Variants in CACNB4 observed in about 807,000 individuals in gnomAD.
CACNB4 encodes calcium voltage-gated channel auxiliary subunit beta 4.
In CACNB4, 32 loss-of-function variants were observed where a neutral mutation model predicts 71.2. That is an observed-to-expected ratio of 0.45 (90% CI 0.34 to 0.60). The LOEUF is 0.60. Ranked by LOEUF, CACNB4 falls within the 20% of genes least tolerant of loss-of-function variation. CACNB4 has a pLI of 0.01. For missense variants in CACNB4, 464 were observed against 647.9 expected (o/e 0.72, Z 3.08); for synonymous variants, 231 against 236.9 (o/e 0.97, Z 0.23).
Position 152,098,243 on chromosome 2 carries a change from G to C in CACNB4, c.147+87C>G, listed in dbSNP as rs1372855213. ...CGCGCGGGCTTGACCCGCAGCTCCC[G>C]CACGTGTGGGCCACGGCCGGCTCCA... On this transcript the variant is annotated intron_variant, in intron 2 of 13. Coordinates refer to ENST00000539935, the MANE Select transcript of CACNB4 (RefSeq NM_000726.5). This position sits in a 1 kb window ranked among gnomAD's most constrained non-coding sequence, Gnocchi z 5.3. 3 of 1,054,578 alleles carry C rather than the reference G, an allele frequency of 2.8e-6. No homozygotes were observed. Among genetic ancestry groups the C allele is most frequent in the Non-Finnish European group, 4.4e-6 (3 of 683,980 alleles). The allele number at this position is 1,054,578 out of a possible 1,614,324, so 65.3% of individuals were successfully genotyped here. A position where few individuals can be genotyped will look rare whatever the true frequency, so the allele number is the denominator to read the frequency against.
In CACNB4 at chr2:151,932,430, G is replaced by A. The variant is rs539213823; in HGVS notation, c.148-49060C>T. On this transcript the variant is annotated intron_variant, in intron 2 of 13. Coordinates refer to ENST00000539935, the MANE Select transcript of CACNB4 (RefSeq NM_000726.5). ...AGAGGGAAGGAGCTTCACCAGTGGA[G>A]CTCGAGGTTATAGACAATGCTAGAG... Among the ~76,000 whole-genome samples the A allele has an allele frequency of 3.3e-5, 5 of 152,258 alleles. No individual in the cohort carries two copies. In the East Asian group the frequency reaches 5.8e-4, roughly 18 times the overall value.
intron 2 of CACNB4, among the ~76,000 whole-genome samples, chr2:152,087,574 A>C (rs903715458): frequency 6.6e-6 from 1 of 152,176 alleles, no homozygotes; most frequent in Non-Finnish European, 1.5e-5. Flanking sequence ...TGACTTAAGG[A>C]AAGGCAAGTC....
chr2:152,090,331 C>T (rs543400416), intron 2 of CACNB4, among the ~76,000 whole-genome samples: 1 of 152,318 alleles, frequency 6.6e-6, no homozygotes, highest in South Asian at 2.1e-4. Flanking sequence ...CTTACATTTC[C>T]ACACAGCTTC....
At chr2:152,073,640 T>C (rs182740836) in intron 2 of CACNB4, among the ~76,000 whole-genome samples, 24 of 152,186 alleles carry the variant, frequency 1.6e-4, no homozygotes, top group Admixed American at 1.4e-3. Context: ...ATGAAAACAA[T>C]CTACAAAAAT....
intron 12 of CACNB4, among the ~76,000 whole-genome samples, chr2:151,842,320 CTTTTTTT>C (rs35662354): frequency 4.4e-5 from 3 of 67,726 alleles, no homozygotes; most frequent in African/African-American, 7.2e-5. Context: ...ATATTTGGAT[CTTTTTTT>C]TTTTTTTTTT....
intron 5 of CACNB4, among the ~76,000 whole-genome samples, chr2:151,875,827 C>T (rs2099846002): frequency 7.1e-6 from 1 of 140,394 alleles, no homozygotes; most frequent in African/African-American, 2.7e-5. Flanking sequence ...CCGGACGGGG[C>T]GTCTCGCCTG....
At chr2:152,097,095 C>A (rs1688314740) in intron 2 of CACNB4, among the ~76,000 whole-genome samples, 2 of 152,164 alleles carry the variant, frequency 1.3e-5, no homozygotes, top group African/African-American at 4.8e-5. Context: ...ATCCAAAATG[C>A]ATTTATTTCC....
At chr2:151,928,769 C>T (rs2099860899) in intron 2 of CACNB4, among the ~76,000 whole-genome samples, 1 of 151,898 alleles carries the variant, frequency 6.6e-6, no homozygotes, top group South Asian at 2.1e-4. Context: ...TAAAAAAATA[C>T]AAAAATTAGC....
chr2:151,845,636 A>T (rs1280891426), intron 12 of CACNB4, among the ~76,000 whole-genome samples: 1 of 152,248 alleles, frequency 6.6e-6, no homozygotes, highest in Non-Finnish European at 1.5e-5. Context: ...CTATGGATGC[A>T]GAGAGCTCCT....
At chr2:151,928,434 G>A (rs2099860793) in intron 2 of CACNB4, among the ~76,000 whole-genome samples, 1 of 152,100 alleles carries the variant, frequency 6.6e-6, no homozygotes, top group African/African-American at 2.4e-5. Context: ...GTGCCTCCTA[G>A]GACATCCCTT....
At chr2:151,899,149 T>C (rs2099852785) in intron 2 of CACNB4, among the ~76,000 whole-genome samples, 1 of 152,220 alleles carries the variant, frequency 6.6e-6, no homozygotes, top group Admixed American at 6.5e-5. Flanking sequence ...TTCTTCTAGC[T>C]GGTGTTGCAT....
chr2:151,880,970 A>G, intron 3 of CACNB4, 48 bp from the exon 4 acceptor site: 1 of 1,532,758 alleles, frequency 6.5e-7, no homozygotes, highest in Non-Finnish European at 8.8e-7. Context: ...AGGAGAGAGG[A>G]GCATTTTTCA....
chr2:152,066,675 C>A (rs1482949800), intron 2 of CACNB4, among the ~76,000 whole-genome samples: 5 of 150,332 alleles, frequency 3.3e-5, no homozygotes, highest in Non-Finnish European at 7.4e-5. Context: ...AATCATGCTG[C>A]TATAAAGACA....
At chr2:151,966,080 C>T (rs2099871029) in intron 2 of CACNB4, among the ~76,000 whole-genome samples, 1 of 152,170 alleles carries the variant, frequency 6.6e-6, no homozygotes, top group African/African-American at 2.4e-5. Flanking sequence ...ATTGAAGAAA[C>T]TGCTTATCAG....
chr2:152,068,809 C>T (rs1020084078), intron 2 of CACNB4, among the ~76,000 whole-genome samples: 2 of 152,100 alleles, frequency 1.3e-5, no homozygotes, highest in African/African-American at 4.8e-5. Context: ...GGAGAATTCT[C>T]CTTTCACAGA....
rs548496161 is a variant in CACNB4 at position 151,989,654 on chromosome 2, G to C, written c.148-106284C>G. 2.0e-5 allele frequency among the ~76,000 whole-genome samples: 3 copies of C among 152,162 alleles called. No individual in the cohort carries two copies. The South Asian group carries it at 6.2e-4, about 32-fold the overall frequency. ...TAGCTTCAACTACGTTCCATCTTCT[G>C]ATGATTCATAAATAAACACATCCAG... On this transcript the variant is annotated intron_variant, in intron 2 of 13. Transcript: ENST00000539935.
rs566369898 is a variant in CACNB4, at chr2:151,981,356, C to T, written c.148-97986G>A. On this transcript the variant is annotated intron_variant, in intron 2 of 13. Coordinates refer to ENST00000539935, the MANE Select transcript of CACNB4 (RefSeq NM_000726.5). ...TTGCCTCCATCATAATGCATGCAGC[C>T]TAGTCTAGTAGATATTTGAGGCCTT... 5.3e-5 allele frequency among the ~76,000 whole-genome samples: 8 copies of T among 150,830 alleles called. No homozygotes were observed. The East Asian group carries it at 1.6e-3, about 29-fold the overall frequency.
At chr2:152,051,755 C>A (rs1685440404) in intron 2 of CACNB4, among the ~76,000 whole-genome samples, 1 of 152,202 alleles carries the variant, frequency 6.6e-6, no homozygotes, top group African/African-American at 2.4e-5. Context: ...GGTAATTTGT[C>A]ATGGCAGCCA....
chr2:151,846,591 C>T (rs552491334), intron 12 of CACNB4, among the ~76,000 whole-genome samples: 16 of 152,020 alleles, frequency 1.1e-4, no homozygotes, highest in Non-Finnish European at 2.2e-4. Flanking sequence ...CTCACTCCAA[C>T]GCCCAGGCTG....
Sources: allele counts gnomAD v4.1 joint callset (sites outside exome capture counted in the v4.1 genomes callset), GRCh38; gene constraint gnomAD v4.1.1; non-coding constraint Gnocchi (gnomAD v3.1); transcripts MANE v1.5; gene names NCBI Gene and HGNC (gene_info 2026-07-23, HGNC 2026-07-21).